SEC16B: variants seen among roughly 807,000 people sequenced by gnomAD.
SEC16B encodes SEC16 homolog B, endoplasmic reticulum export factor, also known as protein transport protein Sec16B.
In SEC16B, 115 loss-of-function variants were observed where a neutral mutation model predicts 141.8. That is an observed-to-expected ratio of 0.81 (90% CI 0.70 to 0.95). SEC16B has a LOEUF of 0.95. Ranked by LOEUF, SEC16B falls within the 40% of genes least tolerant of loss-of-function variation. The pLI is 0.00. For missense variants in SEC16B, 1,291 were observed against 1,312.3 expected (o/e 0.98, Z 0.25); for synonymous variants, 493 against 492.5 (o/e 1.00, Z -0.01).
chr1:177,932,740 A>C lies in SEC16B; in HGVS notation c.2890T>G (p.Ser964Ala). ...LGLSLTPSPE[S>A]PPLPDVSAFS... ...GCACTAACATCCGGCAGAGGTGGGGACTCAGGGGAAGGTGTCAGTGAGAGG... is the reference window on the plus strand; with the variant it reads ...GCACTAACATCCGGCAGAGGTGGGGCCTCAGGGGAAGGTGTCAGTGAGAGG... The change falls in exon 23 of 26, where the codon TCC (serine) becomes GCC (alanine). Residue 964 changes from serine to alanine, a missense_variant. Transcript: ENST00000308284. 1 of 1,609,820 alleles carries C rather than the reference A, an allele frequency of 6.2e-7. No individual in the cohort carries two copies. Among genetic ancestry groups the C allele is most frequent in the South Asian group, 1.1e-5 (1 of 90,042 alleles).
chr1:177,939,998 C>T (rs1389088495), intron 17 of SEC16B, among the ~76,000 whole-genome samples: 10 of 152,132 alleles, frequency 6.6e-5, no homozygotes, highest in Non-Finnish European at 1.2e-4. Context: ...CATCCACCCT[C>T]CCCTGAAGGA....
rs1366195423 is a variant in SEC16B, at chr1:177,936,366, C to T, written c.2504-1G>A. 6.2e-7 allele frequency: 1 copy of T among 1,606,908 alleles called. No homozygotes were observed. Among genetic ancestry groups the T allele is most frequent in the Admixed American group, 1.7e-5 (1 of 59,144 alleles). ...GTTTCTTGAGACACTGTGTTCTCTC[C>T]TGCATCACAAACAGAAATGGAAATA... On this transcript the variant is annotated splice_acceptor_variant, in intron 19 of 25. Transcript: ENST00000308284. LOFTEE classifies it high-confidence loss of function.
At chr1:177,968,600 A>C (rs559153279) in intron 1 of SEC16B, among the ~76,000 whole-genome samples, 1 of 152,348 alleles carries the variant, frequency 6.6e-6, no homozygotes, top group South Asian at 2.1e-4. Context: ...ATGTTACCTA[A>C]CATGTTAAAA....
chr1:177,932,476 G>C lies in SEC16B; in HGVS notation c.3012+14C>G, dbSNP rs374883877. 5 of 1,520,038 alleles carry C rather than the reference G, an allele frequency of 3.3e-6. No individual in the cohort carries two copies. The highest frequency in any genetic ancestry group is 4.4e-6 in the Non-Finnish European group (5 of 1,131,508). 94.2% of individuals were successfully genotyped at this position (1,520,038 alleles called of 1,614,324 possible). ...TGCTGGGGTCCGAGGCTCCAGCCCA[G>C]GGGGGCCGCTTACCTCTGGTCCAGA... is the stretch of plus-strand genomic sequence containing the variant. On this transcript the variant is annotated intron_variant, in intron 24 of 25. Transcript: ENST00000308284.
In SEC16B at chr1:177,940,658, GTC is replaced by G. The variant is rs1651210919; in HGVS notation, c.2077_2078del (p.Asp693GlnfsTer57). ...DPLVLERRSG[D>X]RDLEPDWLAQ... ...CTAGCCAATCTGGCTCCAGGTCCCTGTCTCCACTGCGTCTTTCTAAAACCAGA... is the reference window on the plus strand; with the variant it reads ...CTAGCCAATCTGGCTCCAGGTCCCTGTCCACTGCGTCTTTCTAAAACCAGA... On this transcript the variant is annotated frameshift_variant, in exon 17 of 26. Transcript: ENST00000308284. LOFTEE classifies it high-confidence loss of function. 6.2e-7 allele frequency: 1 copy of G among 1,613,762 alleles called. No homozygotes were observed. Among genetic ancestry groups the G allele is most frequent in the Admixed American group, 1.7e-5 (1 of 60,004 alleles).
At chr1:177,972,889 C>CCTCTCT (rs969413013), upstream of SEC16B, among the ~76,000 whole-genome samples, 18 of 151,700 alleles carry the variant, frequency 1.2e-4, no homozygotes, top group African/African-American at 4.1e-4. Flanking sequence ...GTTTGCTTCT[C>CCTCTCT]CTCTCTCTCT....
chr1:177,968,095 G>A (rs1653700384), intron 1 of SEC16B, 56 bp from the exon 2 acceptor site: 1 of 1,071,252 alleles, frequency 9.3e-7, no homozygotes, highest in African/African-American at 1.6e-5. Context: ...TCCAAACATA[G>A]TGGTTGATTA....
rs1571347924 is a variant in SEC16B, at chr1:177,965,068, G to C, written c.512C>G (p.Thr171Arg). 33 of 1,613,448 alleles carry C rather than the reference G, an allele frequency of 2.0e-5. No individual in the cohort carries two copies. Among genetic ancestry groups the C allele is most frequent in the Non-Finnish European group, 2.7e-5 (32 of 1,179,716 alleles). Residue 171 changes from threonine to arginine, a missense_variant, in exon 4 of 26, where the codon ACA (threonine) becomes AGA (arginine). This residue lies in a region of SEC16B where 681 missense variants were observed against 675.5 expected (regional missense o/e 1.01). Transcript: ENST00000308284. ...TTACTGGAAGTGGGTCTCACTATTT[G>C]TTCCAAATGGACTGTGCTGGTTTTC... is the stretch of plus-strand genomic sequence containing the variant. ...HYENQHSPFG[T>R]NSETHFQSNS...
At chr1:177,964,103 G>A (rs1458092682) in intron 5 of SEC16B, 68 bp downstream of exon 5, 2 of 1,152,038 alleles carry the variant, frequency 1.7e-6, no homozygotes, top group East Asian at 2.6e-5. Context: ...GCCCTGTTCT[G>A]CCACTGCTGA....
chr1:177,968,430 T>C lies in SEC16B; in HGVS notation c.-58-391A>G, dbSNP rs577426803. Reference sequence around the variant, plus strand: ...TGTGGTATCATAAACAGAGTGGGTCTTGCAGAGAGCTAGATCAGAGTTCAA... The same window carrying C: ...TGTGGTATCATAAACAGAGTGGGTCCTGCAGAGAGCTAGATCAGAGTTCAA... On this transcript the variant is annotated intron_variant, in intron 1 of 25. Coordinates refer to ENST00000308284, the MANE Select transcript of SEC16B (RefSeq NM_033127.4). Among the ~76,000 whole-genome samples, 66 of 152,324 alleles carry C rather than the reference T, an allele frequency of 4.3e-4. No individual in the cohort carries two copies. In the South Asian group the frequency reaches 0.013, roughly 30 times the overall value.
intron 9 of SEC16B, 150 bp downstream of exon 9, chr1:177,958,690 G>T: frequency 2.1e-6 from 2 of 956,396 alleles, no homozygotes; most frequent in Non-Finnish European, 1.5e-6. Flanking sequence ...TAGCAAACTC[G>T]CATTGACATT....
At chr1:177,951,638 C>G (rs1219827876) in intron 12 of SEC16B, among the ~76,000 whole-genome samples, 1 of 152,178 alleles carries the variant, frequency 6.6e-6, no homozygotes, top group Non-Finnish European at 1.5e-5. Flanking sequence ...AGATCCTGAC[C>G]CCACTACTCA....
In SEC16B at chr1:177,960,835, G is replaced by A; in HGVS notation, c.892C>T (p.Pro298Ser). ...GQLVHVGPSS[P>S]TDGQAALVEL... ...ACAAGGGCTGCTTGCCCGTCAGTGGGAGAGCTGGGACCTACATGCACCAGC... is the reference window on the plus strand; with the variant it reads ...ACAAGGGCTGCTTGCCCGTCAGTGGAAGAGCTGGGACCTACATGCACCAGC... The change falls in exon 7 of 26, where the codon CCC becomes TCC. Residue 298 changes from proline to serine, a missense_variant. Around this residue, in one of 3 missense-constraint regions of SEC16B, gnomAD observed 681 missense variants for 675.5 expected, o/e 1.01. Transcript: ENST00000308284. The A allele has an allele frequency of 6.2e-7, 1 of 1,606,188 alleles. No individual in the cohort carries two copies. Among genetic ancestry groups the A allele is most frequent in the South Asian group, 1.1e-5 (1 of 90,632 alleles).
chr1:177,966,656 C>G (rs906741880), intron 2 of SEC16B, among the ~76,000 whole-genome samples: 2 of 152,022 alleles, frequency 1.3e-5, no homozygotes, highest in African/African-American at 4.8e-5. Flanking sequence ...ACCTCCATCT[C>G]CCGGGTTTAA....
At chr1:177,980,872 G>T (rs1654381321) in intron 1 of SEC16B, among the ~76,000 whole-genome samples, 1 of 152,134 alleles carries the variant, frequency 6.6e-6, no homozygotes, top group Non-Finnish European at 1.5e-5. Context: ...AGCAAGAGAG[G>T]ATGTGTTCTG....
chr1:177,929,226 T>G lies in SEC16B; in HGVS notation c.*632A>C, dbSNP rs1650240397. The G allele has an allele frequency of 6.5e-6, 1 of 153,776 alleles. No homozygotes were observed. Among genetic ancestry groups the G allele is most frequent in the African/African-American group, 2.4e-5 (1 of 41,384 alleles). The allele number at this position is 153,776 out of a possible 1,614,324, so 9.5% of individuals were successfully genotyped here. ...CTAACTTGATAGCCACATGCCAGAA[T>G]GTGAAAAAATAGGACCAGCTAAGAA... On this transcript the variant is annotated 3_prime_UTR_variant, in exon 26 of 26. Coordinates refer to ENST00000308284, the MANE Select transcript of SEC16B (RefSeq NM_033127.4).
intron 2 of SEC16B, 44 bp from the exon 3 acceptor site, chr1:177,966,049 G>A (rs1011413031): frequency 3.3e-6 from 4 of 1,229,156 alleles, no homozygotes; most frequent in African/African-American, 1.5e-5. Context: ...GACAAGGGTA[G>A]TAAAGAGAGA....
At chr1:177,960,454 C>A in intron 7 of SEC16B, 51 bp from the exon 8 acceptor site, 5 of 1,289,432 alleles carry the variant, frequency 3.9e-6, no homozygotes, top group Non-Finnish European at 5.5e-6. Context: ...CACCCTAGGC[C>A]CCTTTCAGTC....
intron 1 of SEC16B, among the ~76,000 whole-genome samples, chr1:177,982,032 T>C (rs936145276): frequency 3.3e-5 from 5 of 152,112 alleles, no homozygotes; most frequent in African/African-American, 1.2e-4. Flanking sequence ...AGAGAAGTAA[T>C]GAAGACTAAG....
Sources: allele counts gnomAD v4.1 joint callset (sites outside exome capture counted in the v4.1 genomes callset), GRCh38; gene constraint gnomAD v4.1.1; regional missense constraint gnomAD v4.1.1; transcripts MANE v1.5; gene names NCBI Gene and HGNC (gene_info 2026-07-23, HGNC 2026-07-21).